Variants in FLT3 observed in about 807,000 individuals in gnomAD.
The protein encoded by FLT3 is fms related receptor tyrosine kinase 3.
A neutral mutation model predicts 126.6 loss-of-function variants in FLT3; 46 were observed. That is an observed-to-expected ratio of 0.36 (90% confidence interval 0.29 to 0.46). The LOEUF (loss-of-function observed/expected upper bound fraction) is 0.46, where lower values mean the gene tolerates loss of function less well. Ranked by LOEUF, FLT3 falls within the 20% of genes least tolerant of loss-of-function variation. The pLI, the probability that FLT3 is intolerant of heterozygous loss-of-function variation, is 1.00. For missense variants in FLT3, 1,069 were observed against 1,190.3 expected (o/e 0.90, Z 1.50); for synonymous variants, 404 against 434.4 (o/e 0.93, Z 0.87).
At chr13:28,022,962 G>A (rs886866386) in intron 19 of FLT3, among the ~76,000 whole-genome samples, 16 of 152,328 alleles carry the variant, frequency 1.1e-4, no homozygotes, top group Admixed American at 3.3e-4. Context: ...TGGCTGGCTC[G>A]GTTTCAGCCT....
intron 1 of FLT3, among the ~76,000 whole-genome samples, chr13:28,088,825 C>G (rs1878851360): frequency 6.6e-6 from 1 of 151,976 alleles, no homozygotes; most frequent in Non-Finnish European, 1.5e-5. Flanking sequence ...ACCTGGTGAT[C>G]CGCCTGCCTC....
chr13:28,079,005 C>T (rs1408062224), intron 1 of FLT3, among the ~76,000 whole-genome samples: 2 of 152,224 alleles, frequency 1.3e-5, no homozygotes, highest in African/African-American at 4.8e-5. Context: ...AGCCACCATG[C>T]CCGGCCTGGG....
intron 19 of FLT3, among the ~76,000 whole-genome samples, chr13:28,023,046 G>A (rs1872533880): frequency 6.6e-6 from 1 of 152,230 alleles, no homozygotes; most frequent in South Asian, 2.1e-4. Context: ...GACTGACAAT[G>A]CTACGCTTTG....
chr13:28,092,650 T>C lies in FLT3; in HGVS notation c.43+7818A>G, dbSNP rs561434220. Reference sequence around the variant, plus strand: ...CCTGGACTACTGCCAACAACTTCCCTGCCATAGTTCTGTTGGCCCCATATT... The same window carrying C: ...CCTGGACTACTGCCAACAACTTCCCCGCCATAGTTCTGTTGGCCCCATATT... On this transcript the variant is annotated intron_variant, in intron 1 of 23. Coordinates refer to ENST00000241453, the MANE Select transcript of FLT3 (RefSeq NM_004119.3). Among the ~76,000 whole-genome samples, 11 of 152,244 alleles carry C rather than the reference T, an allele frequency of 7.2e-5. No homozygotes were observed. The East Asian group carries it at 1.4e-3, about 19-fold the overall frequency.
At chr13:28,094,656 C>A (rs574922233) in intron 1 of FLT3, among the ~76,000 whole-genome samples, 1 of 152,210 alleles carries the variant, frequency 6.6e-6, no homozygotes, top group South Asian at 2.1e-4. Context: ...TGTGCCTCTA[C>A]GCTCAGTTAA....
At chr13:28,049,896 T>C (rs1264030600) in intron 6 of FLT3, 122 bp from the exon 7 acceptor site, 9 of 1,179,198 alleles carry the variant, frequency 7.6e-6, no homozygotes, top group African/African-American at 4.6e-5. Flanking sequence ...ACCACATTAA[T>C]AAAAGAAGCT....
chr13:28,059,003 T>C (rs1209552810), intron 3 of FLT3, among the ~76,000 whole-genome samples: 1 of 151,970 alleles, frequency 6.6e-6, no homozygotes, highest in African/African-American at 2.4e-5. Context: ...TGGCTGGCAC[T>C]GTGGCTCACG....
chr13:28,052,446 G>T, intron 5 of FLT3, 99 bp downstream of exon 5: 1 of 1,242,920 alleles, frequency 8.0e-7, no homozygotes, highest in Non-Finnish European at 1.1e-6. Flanking sequence ...CTGTTTAAAT[G>T]AGCATAAATT....
intron 4 of FLT3, among the ~76,000 whole-genome samples, chr13:28,054,533 G>A (rs967311259): frequency 2.0e-5 from 3 of 151,906 alleles, no homozygotes; most frequent in Admixed American, 1.3e-4. Flanking sequence ...ACCAGCCTAG[G>A]TAACATGCCA....
At chr13:28,082,124 G>A (rs1176498783) in intron 1 of FLT3, among the ~76,000 whole-genome samples, 2 of 150,430 alleles carry the variant, frequency 1.3e-5, no homozygotes, top group Non-Finnish European at 3.0e-5. Flanking sequence ...CCAAAGTGCT[G>A]GGATTATAGG....
chr13:28,091,308 G>C (rs907592590), intron 1 of FLT3, among the ~76,000 whole-genome samples: 1 of 123,872 alleles, frequency 8.1e-6, no homozygotes, highest in African/African-American at 3.0e-5. Flanking sequence ...TGCAAGCTCC[G>C]CCTCCCGGGT....
At chr13:28,028,394 TA>T in intron 15 of FLT3, 106 bp from the exon 16 acceptor site, 1 of 653,388 alleles carries the variant, frequency 1.5e-6, no homozygotes, top group East Asian at 2.7e-5. Context: ...ATTATTTATT[TA>T]AATTCAAAAT....
chr13:28,015,744 T>C, intron 20 of FLT3, 43 bp from the exon 21 acceptor site: 1 of 1,151,676 alleles, frequency 8.7e-7, no homozygotes, highest in African/African-American at 1.5e-5. Context: ...ATTTTCCACA[T>C]ACAGACATGA....
rs201398123 is a variant in FLT3 at position 28,015,647 on chromosome 13, T to C, written c.2596A>G (p.Thr866Ala). Reference protein sequence around the residue: ...APESLFEGIYTIKSDVWSYGI... With the variant: ...APESLFEGIYAIKSDVWSYGI... ...TATGACCAGACATCACTCTTAATGG[T>C]GTAGATGCCTTCAAACAGGCTTTCG... Residue 866 changes from threonine to alanine, a missense_variant, in exon 21 of 24, where the codon ACC (threonine) becomes GCC (alanine). Thr to Ala is a moderately conservative substitution (Grantham distance 58). Transcript: ENST00000241453. 10 of 1,613,542 alleles carry C rather than the reference T, an allele frequency of 6.2e-6. No individual in the cohort carries two copies. Among genetic ancestry groups the C allele is most frequent in the Non-Finnish European group, 7.6e-6 (9 of 1,179,820 alleles).
At chr13:28,074,088 G>A (rs1035909615) in intron 1 of FLT3, among the ~76,000 whole-genome samples, 1 of 152,070 alleles carries the variant, frequency 6.6e-6, no homozygotes, top group Non-Finnish European at 1.5e-5. Flanking sequence ...AGCCACCTCT[G>A]ATCTATTTTC....
Position 28,003,898 on chromosome 13 carries a change from CA to C in FLT3, c.*153del. 1 of 816,004 alleles carries C rather than the reference CA, an allele frequency of 1.2e-6. No individual in the cohort carries two copies. Among genetic ancestry groups the C allele is most frequent in the South Asian group, 1.8e-5 (1 of 54,532 alleles). 50.5% of individuals were successfully genotyped at this position (816,004 alleles called of 1,614,324 possible). On this transcript the variant is annotated 3_prime_UTR_variant, in exon 24 of 24. Coordinates refer to ENST00000241453, the MANE Select transcript of FLT3 (RefSeq NM_004119.3). ...GATTTTACAAAAGTCCCTTTGAAAA[CA>C]AGAGTAAACGCAGACAGCTTCTAGA...
At chr13:28,032,430 C>T (rs927475908) in intron 15 of FLT3, among the ~76,000 whole-genome samples, 9 of 152,222 alleles carry the variant, frequency 5.9e-5, no homozygotes, top group African/African-American at 9.6e-5. Flanking sequence ...GGCAACATGG[C>T]GAAGCCCCAT....
At chr13:28,014,676 G>T in intron 22 of FLT3, 119 bp from the exon 23 acceptor site, 1 of 676,430 alleles carries the variant, frequency 1.5e-6, no homozygotes, top group Non-Finnish European at 2.5e-6. Context: ...CAGCATGTTT[G>T]TTTTGTGGCA....
intron 19 of FLT3, among the ~76,000 whole-genome samples, chr13:28,019,399 G>A (rs564237599): frequency 2.7e-4 from 41 of 152,312 alleles, no homozygotes; most frequent in African/African-American, 7.0e-4. Flanking sequence ...GAGTCCCTGA[G>A]CTGAAAGATG....
Sources: gnomAD v4.1 joint callset for allele counts (sites outside exome capture counted in the v4.1 genomes callset) on GRCh38, gnomAD v4.1.1 for gene constraint, MANE v1.5 for transcripts, NCBI Gene and HGNC (gene_info 2026-07-23, HGNC 2026-07-21) for gene names.